BOLA3: variants seen among roughly 807,000 people sequenced by gnomAD.
The protein encoded by BOLA3 is bolA family member 3.
Under a neutral mutation model 14.5 loss-of-function variants are expected in BOLA3, and 8 were observed. The ratio of observed to expected loss-of-function variants is 0.55; its 90% CI spans 0.32 to 0.99. The LOEUF is 0.99. BOLA3 is among the 50% of genes least tolerant of loss of function. BOLA3 has a pLI of 0.04. For missense variants in BOLA3, 115 were observed against 138.2 expected, an observed-to-expected ratio of 0.83 and a Z score of 0.84; for synonymous variants, 42 against 45.7, an observed-to-expected ratio of 0.92 and a Z score of 0.33.
chr2:74,142,900 G>T (rs1280511375), intron 2 of BOLA3, among the ~76,000 whole-genome samples: 2 of 152,190 alleles, frequency 1.3e-5, no homozygotes, highest in African/African-American at 4.8e-5. Flanking sequence ...GCACTGCTGG[G>T]TCCACAGCAC....
rs955861919 is a variant in BOLA3 at position 74,147,866 on chromosome 2, T to G, written c.9A>C (p.Ala3=). The change falls in exon 1 of 4, where the codon GCA becomes GCC. Residue 3 remains alanine (A), a synonymous_variant. Coordinates refer to ENST00000327428, the MANE Select transcript of BOLA3 (RefSeq NM_212552.3). The part of the protein sequence containing the change: MA[A]WSPAAAAPLL... ...GAGGCGCTGCCGCGGCCGGGCTCCA[T>G]GCAGCCATGCCCGGCCGACGTGACC... The G allele has an allele frequency of 6.6e-7, 1 of 1,523,078 alleles. No individual in the cohort carries two copies. Among genetic ancestry groups the G allele is most frequent in the African/African-American group, 1.4e-5 (1 of 71,206 alleles). The allele number at this position is 1,523,078 out of a possible 1,614,324, so 94.3% of individuals were successfully genotyped here.
rs146817092 is a variant in BOLA3, at chr2:74,140,597, G to A, written c.258+1675C>T. On this transcript the variant is annotated intron_variant, in intron 3 of 3. Coordinates refer to ENST00000327428, the MANE Select transcript of BOLA3 (RefSeq NM_212552.3). The stretch of plus-strand genomic sequence containing the variant: ...TGAGGAGAGGCACATGTTGCTATAG[G>A]GGGCCAGAAGACACCTTAATCCCAA... 4.1e-3 allele frequency among the ~76,000 whole-genome samples: 626 copies of A among 152,222 alleles called. 8 individuals are homozygous for A. Among genetic ancestry groups the A allele is most frequent in the African/African-American group, 0.014 (566 of 41,528 alleles).
At chr2:74,141,189 A>G (rs1476193537) in intron 3 of BOLA3, among the ~76,000 whole-genome samples, 2 of 152,350 alleles carry the variant, frequency 1.3e-5, no homozygotes, top group Non-Finnish European at 2.9e-5. Flanking sequence ...AGCACCCAGC[A>G]GACCACCAGC....
At chr2:74,141,178 G>A (rs1217117400) in intron 3 of BOLA3, among the ~76,000 whole-genome samples, 2 of 152,144 alleles carry the variant, frequency 1.3e-5, no homozygotes, top group Non-Finnish European at 2.9e-5. Flanking sequence ...CTCAGTGATG[G>A]AGCACCCAGC....
intron 3 of BOLA3, among the ~76,000 whole-genome samples, chr2:74,136,200 T>C (rs543130134): frequency 1.8e-4 from 28 of 152,306 alleles, no homozygotes; most frequent in Middle Eastern, 6.8e-3. Flanking sequence ...TCTGCCTGTC[T>C]TGGCTTCCCA....
In BOLA3 at chr2:74,142,348, G is replaced by A. The variant is rs759777200; in HGVS notation, c.182C>T (p.Ala61Val). The change falls in exon 3 of 4, where the codon GCG (alanine) becomes GTG (valine). Residue 61 changes from alanine to valine, a missense_variant. Ala to Val is a moderately conservative substitution (Grantham distance 64). Coordinates refer to ENST00000327428, the MANE Select transcript of BOLA3 (RefSeq NM_212552.3). Reference protein sequence around the residue: ...KVTDISGGCGAMYEIKIESEE... With the variant: ...KVTDISGGCGVMYEIKIESEE... ...TGATTCAATTTTAATTTCATACATCGCCCCACAACCTCCTAAAATAAACAT... is the reference window on the plus strand; with the variant it reads ...TGATTCAATTTTAATTTCATACATCACCCCACAACCTCCTAAAATAAACAT... 3.7e-6 allele frequency: 6 copies of A among 1,612,088 alleles called. No homozygotes were observed. The highest frequency in any genetic ancestry group is 3.3e-5 in the South Asian group (3 of 91,034).
intron 2 of BOLA3, among the ~76,000 whole-genome samples, 182 bp from the exon 3 acceptor site, chr2:74,142,542 G>C (rs1208060831): frequency 6.6e-6 from 1 of 152,132 alleles, no homozygotes; most frequent in African/African-American, 2.4e-5. Flanking sequence ...CCTCCTGACA[G>C]GCTGCCACAA....
At chr2:74,145,335 G>C (rs989781157) in intron 1 of BOLA3, 32 bp from the exon 2 acceptor site, 1 of 1,290,406 alleles carries the variant, frequency 7.7e-7, no homozygotes, top group Admixed American at 1.7e-5. Flanking sequence ...GGTCAGGGCA[G>C]AGGAAGATGC....
intron 3 of BOLA3, among the ~76,000 whole-genome samples, chr2:74,137,275 T>G (rs147352923): frequency 1.1e-3 from 163 of 152,334 alleles, no homozygotes; most frequent in African/African-American, 3.8e-3. Flanking sequence ...GGAGCCTTGT[T>G]TCTTGGGCCA....
rs1692575443 is a variant in BOLA3 at position 74,147,814 on chromosome 2, C to T, written c.54+7G>A. 6.5e-7 allele frequency: 1 copy of T among 1,529,086 alleles called. No homozygotes were observed. Among genetic ancestry groups the T allele is most frequent in the Non-Finnish European group, 8.7e-7 (1 of 1,144,542 alleles). The allele number at this position is 1,529,086 out of a possible 1,614,324, so 94.7% of individuals were successfully genotyped here. A position where few individuals can be genotyped will look rare whatever the true frequency, so the allele number is the denominator to read the frequency against. ...GGGAGAGCAGCCCCGACCCTGCCCA[C>T]GCTCACCCCGCGGATCCCGCGGAGG... On this transcript the variant is annotated splice_region_variant and intron_variant, in intron 1 of 3. Coordinates refer to ENST00000327428, the MANE Select transcript of BOLA3 (RefSeq NM_212552.3).
At chr2:74,138,263 C>T (rs1692370108) in intron 3 of BOLA3, among the ~76,000 whole-genome samples, 1 of 152,212 alleles carries the variant, frequency 6.6e-6, no homozygotes, top group African/African-American at 2.4e-5. Context: ...TAAGCACCTG[C>T]TATGCCCACA....
chr2:74,137,533 T>A (rs1692356854), intron 3 of BOLA3, among the ~76,000 whole-genome samples: 1 of 152,142 alleles, frequency 6.6e-6, no homozygotes, highest in Non-Finnish European at 1.5e-5. Context: ...CTAATATATG[T>A]GGTCAGGTTT....
chr2:74,139,388 A>G (rs1692395204), intron 3 of BOLA3, among the ~76,000 whole-genome samples: 1 of 151,458 alleles, frequency 6.6e-6, no homozygotes, highest in Non-Finnish European at 1.5e-5. Flanking sequence ...TGGATGGGGC[A>G]CCTACCCCAC....
chr2:74,138,284 A>G (rs828876), intron 3 of BOLA3, among the ~76,000 whole-genome samples: 49,699 of 152,244 alleles, frequency 0.33, 9,248 homozygotes, highest in Middle Eastern at 0.46. Flanking sequence ...GCACTATAGT[A>G]GGTGCTGGGG....
chr2:74,146,469 G>A (rs1572945024), intron 1 of BOLA3: 1 of 152,474 alleles, frequency 6.6e-6, no homozygotes, highest in East Asian at 1.9e-4. Flanking sequence ...GACAGGAGAT[G>A]GGACTCCAGG....
intron 2 of BOLA3, 48 bp downstream of exon 2, chr2:74,145,141 G>A: frequency 9.0e-7 from 1 of 1,110,546 alleles, no homozygotes; most frequent in South Asian, 1.2e-5. Context: ...TCCTTCCAAA[G>A]GGCAAAATCT....
At chr2:74,144,210 TG>T (rs1572943474) in intron 2 of BOLA3, among the ~76,000 whole-genome samples, 2 of 151,612 alleles carry the variant, frequency 1.3e-5, no homozygotes, top group East Asian at 1.9e-4. Flanking sequence ...GGTTTCACCA[TG>T]TTGGCCAGGC....
At chr2:74,145,396 C>T (rs1352983089) in intron 1 of BOLA3, 93 bp from the exon 2 acceptor site, 1 of 815,380 alleles carries the variant, frequency 1.2e-6, no homozygotes, top group East Asian at 2.4e-5. Context: ...ATTCCCCCTG[C>T]AAGGCAGGCC....
rs184894306 is a variant in BOLA3, at chr2:74,145,164, G to A, written c.169+25C>T. On this transcript the variant is annotated intron_variant, in intron 2 of 3. Transcript: ENST00000327428. ...AAGGGCAAAATCTTATCCAAGCGCCGTAGGAAGAGTGAGAGAAACCTTACC... is the reference window on the plus strand; with the variant it reads ...AAGGGCAAAATCTTATCCAAGCGCCATAGGAAGAGTGAGAGAAACCTTACC... 2.6e-3 allele frequency: 3,427 copies of A among 1,304,642 alleles called. 11 individuals carry two copies. The highest frequency in any genetic ancestry group is 3.0e-3 in the Non-Finnish European group (2,685 of 898,242). The allele number at this position is 1,304,642 out of a possible 1,614,324, so 80.8% of individuals were successfully genotyped here.
Sources: gnomAD v4.1 joint callset for allele counts (sites outside exome capture counted in the v4.1 genomes callset) on GRCh38, gnomAD v4.1.1 for gene constraint, MANE v1.5 for transcripts, NCBI Gene and HGNC (gene_info 2026-07-23, HGNC 2026-07-21) for gene names.